The following LRRC74B variants were observed in gnomAD, a reference collection of about 807,000 sequenced individuals.
LRRC74B encodes leucine-rich repeat-containing protein 74B.
A neutral mutation model predicts 16.6 loss-of-function variants in LRRC74B; 30 were observed. That is an observed-to-expected ratio of 1.80 (90% CI 1.35 to 2.45). The LOEUF (loss-of-function observed/expected upper bound fraction) is 2.45, where lower values mean the gene tolerates loss of function less well. Ranked by LOEUF, LRRC74B falls within the 30% of genes most tolerant of loss-of-function variation. The probability of loss-of-function intolerance (pLI) is 0.00; values close to 1 mark genes in which losing one functional copy is unlikely to be tolerated. For missense variants in LRRC74B, 326 were observed against 202.4 expected (o/e 1.61, Z -3.71); for synonymous variants, 134 against 86.0 (o/e 1.56, Z -3.09).
At chr22:21,061,532 ACGTGCC>A (rs566988140), downstream of LRRC74B, among the ~76,000 whole-genome samples, 136 of 139,656 alleles carry the variant, frequency 9.7e-4, no homozygotes, top group African/African-American at 3.7e-3. Context: ...GTGCAGTGGC[ACGTGCC>A]TGTAGCCCCA....
chr22:21,058,427 T>G (rs1323851877), intron 8 of LRRC74B, among the ~76,000 whole-genome samples: 1 of 151,892 alleles, frequency 6.6e-6, no homozygotes, highest in Non-Finnish European at 1.5e-5. Context: ...AGCAGGAGGA[T>G]CACCTGATCC....
chr22:21,046,825 C>T (rs1929480579), intron 1 of LRRC74B, among the ~76,000 whole-genome samples: 2 of 151,932 alleles, frequency 1.3e-5, no homozygotes, highest in Non-Finnish European at 2.9e-5. Context: ...GGTGGGGTGG[C>T]TCACGCCTGT....
chr22:21,048,540 C>G (rs545964596), intron 3 of LRRC74B: 1 of 280,128 alleles, frequency 3.6e-6, no homozygotes, highest in Admixed American at 4.7e-5. Context: ...AAATGCACTC[C>G]TGAAGTGGTC....
chr22:21,052,310 G>A lies in LRRC74B; in HGVS notation c.684G>A (p.Trp228Ter), dbSNP rs897938200. 21 of 717,450 alleles carry A rather than the reference G, an allele frequency of 2.9e-5. No individual in the cohort carries two copies. The highest frequency in any genetic ancestry group is 4.9e-5 in the Non-Finnish European group (19 of 385,122). 44.4% of individuals were successfully genotyped at this position (717,450 alleles called of 1,614,324 possible). A position where few individuals can be genotyped will look rare whatever the true frequency, so the allele number is the denominator to read the frequency against. ...GACTCACCGAGCTTAACGTGAGCTGGAATCACCTCCGGGGCCCAGGAGCTG... is the reference window on the plus strand; with the variant it reads ...GACTCACCGAGCTTAACGTGAGCTGAAATCACCTCCGGGGCCCAGGAGCTG... The change falls in exon 5 of 9, where the codon TGG (tryptophan) becomes TGA (stop). Residue 228 changes from tryptophan to a stop codon, truncating the protein, a stop_gained. Transcript: ENST00000442047. LOFTEE classifies it high-confidence loss of function.
chr22:21,047,491 G>A lies in LRRC74B; in HGVS notation c.275G>A (p.Gly92Glu), dbSNP rs1180953073. ...CTGAACCTCCGGCACCGTGGCCTGG[G>A]GCCCCAGGTACCACTGGAGGGACAC... Residue 92 changes from glycine to glutamate, a missense_variant, in exon 2 of 9, where the codon GGG (glycine) becomes GAG (glutamate). By Grantham distance (98) the Gly-to-Glu change is moderately conservative. Coordinates refer to ENST00000442047, the Ensembl canonical transcript of LRRC74B. 3 of 717,308 alleles carry A rather than the reference G, an allele frequency of 4.2e-6. No individual in the cohort carries two copies. The African/African-American group carries it at 5.2e-5, about 13-fold the overall frequency. 44.4% of individuals were successfully genotyped at this position (717,308 alleles called of 1,614,324 possible). A position where few individuals can be genotyped will look rare whatever the true frequency, so the allele number is the denominator to read the frequency against.
chr22:21,047,908 T>G, exon 3 of LRRC74B: 1 of 717,412 alleles, frequency 1.4e-6, no homozygotes, highest in Non-Finnish European at 2.6e-6. Flanking sequence ...GGCTTCCTCA[T>G]TGAGCTCCAA....
At chr22:21,050,452 C>T (rs1392137992) in intron 4 of LRRC74B, among the ~76,000 whole-genome samples, 2 of 151,992 alleles carry the variant, frequency 1.3e-5, no homozygotes, top group Admixed American at 6.6e-5. Context: ...ACCAGTTTGC[C>T]TTCTAAGAAA....
At chr22:21,060,602 G>A (rs1389616755), downstream of LRRC74B, 4 of 645,048 alleles carry the variant, frequency 6.2e-6, no homozygotes, top group African/African-American at 5.5e-5. Context: ...GACTCACGAG[G>A]CCTTGTTACC....
intron 4 of LRRC74B, among the ~76,000 whole-genome samples, chr22:21,050,971 A>C (rs1482111389): frequency 5.7e-5 from 6 of 104,978 alleles, no homozygotes; most frequent in African/African-American, 2.4e-4. Flanking sequence ...ACAGAGCGAG[A>C]CTCCGTCTCA....
intron 5 of LRRC74B, 143 bp from the exon 6 acceptor site, chr22:21,053,217 C>A: frequency 1.7e-6 from 1 of 595,666 alleles, no homozygotes. Flanking sequence ...ATGGCACTTT[C>A]CTGACCCTTC....
chr22:21,056,033 G>C (rs574376421), intron 7 of LRRC74B, among the ~76,000 whole-genome samples: 269 of 152,190 alleles, frequency 1.8e-3, no homozygotes, highest in Non-Finnish European at 2.8e-3. Context: ...CCTTCTGCAG[G>C]GGCTCACCCT....
At chr22:21,056,176 C>A (rs1238210473) in intron 7 of LRRC74B, among the ~76,000 whole-genome samples, 2 of 152,226 alleles carry the variant, frequency 1.3e-5, no homozygotes, top group East Asian at 3.9e-4. Flanking sequence ...GGAGTTTTAT[C>A]CCCTCTGGAT....
chr22:21,048,162 A>G, intron 3 of LRRC74B, 146 bp downstream of exon 3: 3 of 651,100 alleles, frequency 4.6e-6, no homozygotes, highest in Non-Finnish European at 8.4e-6. Flanking sequence ...AGGAGGGGGC[A>G]TGTGGGGTGG....
At chr22:21,061,622 C>A (rs1930809200), downstream of LRRC74B, 1 of 152,158 alleles carries the variant, frequency 6.6e-6, no homozygotes, top group South Asian at 2.1e-4. Flanking sequence ...TACAATAAGA[C>A]CCTGTCTTTA....
intron 3 of LRRC74B, chr22:21,048,533 T>G: frequency 3.8e-6 from 1 of 259,848 alleles, no homozygotes; most frequent in African/African-American, 2.2e-5. Context: ...TGAAGTGAAA[T>G]GCACTCCTGA....
chr22:21,055,731 G>A (rs1930471730), intron 7 of LRRC74B, among the ~76,000 whole-genome samples: 1 of 152,062 alleles, frequency 6.6e-6, no homozygotes. Context: ...CAGCTCTGTC[G>A]GCCCTCAGCT....
chr22:21,050,764 CGA>C (rs368229223), intron 4 of LRRC74B, among the ~76,000 whole-genome samples: 3 of 124,608 alleles, frequency 2.4e-5, no homozygotes, highest in African/African-American at 9.5e-5. Flanking sequence ...GGCGAAAGAG[CGA>C]GACTCTGTCT....
At chr22:21,061,214 C>T (rs1206483398), downstream of LRRC74B, among the ~76,000 whole-genome samples, 1 of 151,986 alleles carries the variant, frequency 6.6e-6, no homozygotes, top group Non-Finnish European at 1.5e-5. Context: ...GTAATCCCCG[C>T]TACTCAGGAG....
At chr22:21,058,054 T>A (rs942082955) in intron 8 of LRRC74B, among the ~76,000 whole-genome samples, 3 of 100,856 alleles carry the variant, frequency 3.0e-5, no homozygotes, top group African/African-American at 1.3e-4. Context: ...CCCGGCTGAT[T>A]TTTTTTTTTT....
Sources: gnomAD v4.1 joint callset for allele counts (sites outside exome capture counted in the v4.1 genomes callset) on GRCh38, gnomAD v4.1.1 for gene constraint, MANE v1.5 for transcripts, NCBI Gene and HGNC (gene_info 2026-07-23, HGNC 2026-07-21) for gene names.